Variants in VPS11 observed in about 807,000 individuals in gnomAD.
VPS11 encodes the protein vacuolar protein sorting-associated protein 11 homolog.
In VPS11, 51 loss-of-function variants were observed where a neutral mutation model predicts 106.8. The ratio of observed to expected loss-of-function variants is 0.48; its 90% CI spans 0.38 to 0.60. The LOEUF (loss-of-function observed/expected upper bound fraction) is 0.60, where lower values mean the gene tolerates loss of function less well. VPS11 is among the 20% of genes least tolerant of loss of function. The pLI is 0.00. For synonymous variants in VPS11, 453 were observed against 458.7 expected (o/e 0.99, Z 0.16); for missense variants, 950 against 1,190.0 (o/e 0.80, Z 2.97).
intron 8 of VPS11, 132 bp downstream of exon 8, chr11:119,077,215 T>C (rs1592195133): frequency 2.5e-6 from 3 of 1,195,000 alleles, no homozygotes; most frequent in African/African-American, 1.5e-5. Context: ...TGGCTGTTCC[T>C]GTTAGTTCGG....
At chr11:119,070,585 G>T (rs1458864352) in intron 4 of VPS11, 188 bp downstream of exon 4, 5 of 519,662 alleles carry the variant, frequency 9.6e-6, no homozygotes, top group Admixed American at 4.0e-5. Context: ...CTCTGGGCTT[G>T]TAGTAAAAAG....
rs527542717 is a variant in VPS11, at chr11:119,081,286, G to A, written c.2633G>A (p.Arg878Gln). Residue 878 changes from arginine to glutamine, a missense_variant, in exon 15 of 16, where the codon CGA (arginine) becomes CAA (glutamine). Physicochemically the swap from Arg to Gln is conservative, Grantham distance 43. Around this residue, in one of 3 missense-constraint regions of VPS11, gnomAD observed 453 missense variants for 514.6 expected, o/e 0.88. Transcript: ENST00000621676. ...MDMIRAQEQK[R>Q]DLHDQFQHQL... ...ATGATCCGGGCCCAGGAACAGAAAC[G>A]AGATCTCCATGATCAATTCCAGCAT... is the stretch of plus-strand genomic sequence containing the variant. 61 of 1,613,988 alleles carry A rather than the reference G, an allele frequency of 3.8e-5. No individual in the cohort carries two copies. In the South Asian group the frequency reaches 5.3e-4, roughly 14 times the overall value.
chr11:119,072,828 A>T lies in VPS11; in HGVS notation c.885-370A>T, dbSNP rs560581332. 2.1e-5 allele frequency: 4 copies of T among 186,588 alleles called. No homozygotes were observed. The East Asian group carries it at 6.0e-4, about 28-fold the overall frequency. 11.6% of individuals were successfully genotyped at this position (186,588 alleles called of 1,614,324 possible). A position where few individuals can be genotyped will look rare whatever the true frequency, so the allele number is the denominator to read the frequency against. ...TTTTGGTTTTATTTTTTTAAGGGGT[A>T]AGTGGGGTCTTCTGCATGATGAAAG... is the stretch of plus-strand genomic sequence containing the variant. On this transcript the variant is annotated intron_variant, in intron 5 of 15. Transcript: ENST00000621676.
chr11:119,075,542 TA>T (rs1555202802), intron 7 of VPS11, among the ~76,000 whole-genome samples: 1,573 of 111,544 alleles, frequency 0.014, 24 homozygotes, highest in African/African-American at 0.044. Context: ...CTGTCTCCAC[TA>T]AAAAAAAAAA....
At chr11:119,076,738 T>C (rs1441575628) in intron 7 of VPS11, 159 bp from the exon 8 acceptor site, 20 of 834,612 alleles carry the variant, frequency 2.4e-5, no homozygotes, top group Non-Finnish European at 3.6e-5. Flanking sequence ...GTAGCACCGA[T>C]ATTACCTGGG....
intron 1 of VPS11, 51 bp from the exon 2 acceptor site, chr11:119,069,145 C>A: frequency 6.2e-7 from 1 of 1,605,980 alleles, no homozygotes; most frequent in Admixed American, 1.7e-5. Flanking sequence ...GAGTTCTGGT[C>A]TGAATGTAAG....
intron 11 of VPS11, 106 bp downstream of exon 11, chr11:119,078,440 C>T: frequency 6.4e-7 from 1 of 1,568,786 alleles, no homozygotes; most frequent in Non-Finnish European, 8.6e-7. Flanking sequence ...TAACACCTTA[C>T]CTCGGGGCTC....
rs1945743808 is a variant in VPS11 at position 119,078,922 on chromosome 11, G to A, written c.2191G>A (p.Glu731Lys). Residue 731 changes from glutamate to lysine, a missense_variant, in exon 13 of 16, where the codon GAG (glutamate) becomes AAG (lysine). By Grantham distance (56) the Glu-to-Lys change is moderately conservative. Around this residue, in one of 3 missense-constraint regions of VPS11, gnomAD observed 453 missense variants for 514.6 expected, o/e 0.88. Transcript: ENST00000621676. ...EQALSYFARK[E>K]EDCKEYVAAV... is the part of the protein sequence containing the mutation. ...GGCCCTCAGCTACTTCGCTCGCAAG[G>A]AGGAGGACTGCAAGGAGTATGTGGC... 6.2e-7 allele frequency: 1 copy of A among 1,614,046 alleles called. No homozygotes were observed. Among genetic ancestry groups the A allele is most frequent in the Non-Finnish European group, 8.5e-7 (1 of 1,179,904 alleles).
At chr11:119,079,796 A>G (rs957547979) in intron 14 of VPS11, among the ~76,000 whole-genome samples, 1 of 152,120 alleles carries the variant, frequency 6.6e-6, no homozygotes, top group African/African-American at 2.4e-5. Context: ...GCTGGTCTCG[A>G]ACTCCTGGCC....
In VPS11 at chr11:119,081,724, G is replaced by T; in HGVS notation, c.*101G>T. On this transcript the variant is annotated 3_prime_UTR_variant, in exon 16 of 16. Transcript: ENST00000621676. ...CAGAAGGCTGGCTGACATGCCCAGGGCTCCACTCTCATCTAATGTCACAGC... is the reference window on the plus strand; with the variant it reads ...CAGAAGGCTGGCTGACATGCCCAGGTCTCCACTCTCATCTAATGTCACAGC... 5 of 1,441,244 alleles carry T rather than the reference G, an allele frequency of 3.5e-6. No individual in the cohort carries two copies. Among genetic ancestry groups the T allele is most frequent in the Non-Finnish European group, 3.7e-6 (4 of 1,071,816 alleles). The allele number at this position is 1,441,244 out of a possible 1,614,324, so 89.3% of individuals were successfully genotyped here.
At chr11:119,076,744 C>G (rs1018850502) in intron 7 of VPS11, 153 bp from the exon 8 acceptor site, 1 of 888,216 alleles carries the variant, frequency 1.1e-6, no homozygotes, top group East Asian at 2.7e-5. Flanking sequence ...CCGATATTAC[C>G]TGGGACTTTG....
intron 14 of VPS11, among the ~76,000 whole-genome samples, chr11:119,079,911 ATATT>A (rs1288525219): frequency 2.0e-5 from 3 of 152,120 alleles, no homozygotes; most frequent in Admixed American, 2.0e-4. Context: ...ATTCTGTAAA[ATATT>A]TATTAGAGAA....
In VPS11 at chr11:119,078,650, G is replaced by A. The variant is rs1049442163; in HGVS notation, c.2009G>A (p.Cys670Tyr). The change falls in exon 12 of 16, where the codon TGC (cysteine) becomes TAC (tyrosine). Residue 670 changes from cysteine to tyrosine, a missense_variant. Around this residue, in one of 3 missense-constraint regions of VPS11, gnomAD observed 453 missense variants for 514.6 expected, o/e 0.88. Coordinates refer to ENST00000621676, the MANE Select transcript of VPS11 (RefSeq NM_021729.6). ...GTCTTTGACAAGGCCCTGGTCCTGT[G>A]CCAGATGCACGACTTCCAGGATGGT... Reference protein sequence around the residue: ...CDVFDKALVLCQMHDFQDGVL... With the variant: ...CDVFDKALVLYQMHDFQDGVL... The A allele has an allele frequency of 8.7e-6, 14 of 1,613,686 alleles. No individual in the cohort carries two copies. The highest frequency in any genetic ancestry group is 1.2e-5 in the Non-Finnish European group (14 of 1,179,666).
rs376381484 is a variant in VPS11, at chr11:119,073,289, G to T, written c.976G>T (p.Val326Phe). ...CAACAAGTTCATAGCCTATAGCACC[G>T]TCTTTGAGGATGTAGTGGATGTGCT... ...LCNKFIAYST[V>F]FEDVVDVLAE... The change falls in exon 6 of 16, where the codon GTC becomes TTC. Residue 326 changes from valine (V) to phenylalanine (F), a missense_variant. Coordinates refer to ENST00000621676, the MANE Select transcript of VPS11 (RefSeq NM_021729.6). 2 of 1,613,988 alleles carry T rather than the reference G, an allele frequency of 1.2e-6. No individual in the cohort carries two copies. Among genetic ancestry groups the T allele is most frequent in the Admixed American group, 3.3e-5 (2 of 60,014 alleles).
Position 119,070,187 on chromosome 11 carries a change from C to G in VPS11, c.473-47C>G. 3.2e-6 allele frequency: 5 copies of G among 1,560,396 alleles called. No individual in the cohort carries two copies. The South Asian group carries it at 3.5e-5, about 11-fold the overall frequency. On this transcript the variant is annotated intron_variant, in intron 3 of 15. Coordinates refer to ENST00000621676, the MANE Select transcript of VPS11 (RefSeq NM_021729.6). Reference sequence around the variant, plus strand: ...GTGGTCTTTTTTCCCCTCTCCACTTCCTGATCTTTTCAGCCTTACTGAAGT... The same window carrying G: ...GTGGTCTTTTTTCCCCTCTCCACTTGCTGATCTTTTCAGCCTTACTGAAGT...
chr11:119,069,712 A>C, intron 3 of VPS11, 135 bp downstream of exon 3: 1 of 1,299,298 alleles, frequency 7.7e-7, no homozygotes, highest in South Asian at 1.4e-5. Context: ...AAATTTTGGA[A>C]TGGGGGCCAG....
At chr11:119,077,840 C>T (rs1565742948) in intron 9 of VPS11, 38 bp from the exon 10 acceptor site, 1 of 1,605,182 alleles carries the variant, frequency 6.2e-7, no homozygotes, top group East Asian at 2.2e-5. Context: ...GTGGCTGAGG[C>T]AGGAGTATAC....
chr11:119,081,703 A>C lies in VPS11; in HGVS notation c.*80A>C. The C allele has an allele frequency of 6.5e-7, 1 of 1,531,816 alleles. No homozygotes were observed. 94.9% of individuals were successfully genotyped at this position (1,531,816 alleles called of 1,614,324 possible). A position where few individuals can be genotyped will look rare whatever the true frequency, so the allele number is the denominator to read the frequency against. On this transcript the variant is annotated 3_prime_UTR_variant, in exon 16 of 16. Transcript: ENST00000621676. ...GGGACCTGGGCGGGCGTTACACAGAAGGCTGGCTGACATGCCCAGGGCTCC... is the reference window on the plus strand; with the variant it reads ...GGGACCTGGGCGGGCGTTACACAGACGGCTGGCTGACATGCCCAGGGCTCC...
chr11:119,078,600 G>A lies in VPS11; in HGVS notation c.1959G>A (p.Leu653=), dbSNP rs782769598. 3.6e-5 allele frequency: 58 copies of A among 1,613,626 alleles called. No homozygotes were observed. Among genetic ancestry groups the A allele is most frequent in the South Asian group, 1.1e-5 (1 of 91,088 alleles). The change falls in exon 12 of 16, where the codon CTG becomes CTA. Residue 653 remains leucine (L), a synonymous_variant. Coordinates refer to ENST00000621676, the MANE Select transcript of VPS11 (RefSeq NM_021729.6). ...KEKLHAEAIS[L]LKSGRFCDVF... ...AGCTTCACGCAGAGGCCATTTCCCT[G>A]CTGAAGAGTGGTCGCTTCTGCGACG...
Sources: allele counts gnomAD v4.1 joint callset (sites outside exome capture counted in the v4.1 genomes callset), GRCh38; gene constraint gnomAD v4.1.1; regional missense constraint gnomAD v4.1.1; transcripts MANE v1.5; gene names NCBI Gene and HGNC (gene_info 2026-07-23, HGNC 2026-07-21).